The following PPP3CA variants were observed in gnomAD, a reference collection of about 807,000 sequenced individuals.
PPP3CA encodes CAM-PRP catalytic subunit.
In PPP3CA, 14 loss-of-function variants were observed where a neutral mutation model predicts 66.5. The ratio of observed to expected loss-of-function variants is 0.21; its 90% CI spans 0.14 to 0.33. PPP3CA has a LOEUF of 0.33. PPP3CA is among the 10% of genes least tolerant of loss of function. The pLI is 1.00. For missense variants in PPP3CA, 317 were observed against 639.5 expected (o/e 0.50, Z 5.44); for synonymous variants, 232 against 226.2 (o/e 1.03, Z -0.23).
At chr4:101,105,556 AGCCT>A (rs1730627165) in intron 3 of PPP3CA, among the ~76,000 whole-genome samples, 1 of 152,102 alleles carries the variant, frequency 6.6e-6, no homozygotes, top group African/African-American at 2.4e-5. Context: ...GAGATTCAGA[AGCCT>A]GCACTCTTCA....
At chr4:101,170,234 AT>A (rs1347708391) in intron 2 of PPP3CA, among the ~76,000 whole-genome samples, 2 of 151,072 alleles carry the variant, frequency 1.3e-5, no homozygotes, top group African/African-American at 4.9e-5. Flanking sequence ...GCATCAAGAC[AT>A]TTTTTCCCAC....
At chr4:101,145,052 A>T (rs796144710) in intron 2 of PPP3CA, among the ~76,000 whole-genome samples, 4 of 152,170 alleles carry the variant, frequency 2.6e-5, no homozygotes, top group African/African-American at 9.6e-5. Flanking sequence ...GGCATTAAAT[A>T]AAAAAATACT....
intron 10 of PPP3CA, among the ~76,000 whole-genome samples, chr4:101,057,048 A>G (rs1333548629): frequency 6.6e-6 from 1 of 151,386 alleles, no homozygotes; most frequent in African/African-American, 2.4e-5. Flanking sequence ...ATAATATCTT[A>G]AGTAGAATAT....
intron 1 of PPP3CA, among the ~76,000 whole-genome samples, chr4:101,245,120 T>C (rs1726437118): frequency 6.6e-6 from 1 of 152,120 alleles, no homozygotes; most frequent in South Asian, 2.1e-4. Context: ...ATCAGGCTTT[T>C]TAAAAGATAA....
At position 101,180,540 on chromosome 4, in the gene PPP3CA, A is replaced by C. The variant is rs565561758; in HGVS notation, c.259+15376T>G. 2.0e-5 allele frequency among the ~76,000 whole-genome samples: 3 copies of C among 152,274 alleles called. No homozygotes were observed. The East Asian group carries it at 5.8e-4, about 29-fold the overall frequency. The stretch of plus-strand genomic sequence containing the variant: ...CTATTATTTATAATTGTATGCCTTA[A>C]ATTTATTCTGGAAGTTGACCTTCCC... On this transcript the variant is annotated intron_variant, in intron 2 of 13. Transcript: ENST00000394854.
At chr4:101,320,125 A>G (rs1312402009) in intron 1 of PPP3CA, among the ~76,000 whole-genome samples, 1 of 152,258 alleles carries the variant, frequency 6.6e-6, no homozygotes, top group African/African-American at 2.4e-5. Flanking sequence ...TCTTATAGAA[A>G]CAACTAAGAA....
chr4:101,249,248 T>C (rs867430411), intron 1 of PPP3CA, among the ~76,000 whole-genome samples: 3 of 152,152 alleles, frequency 2.0e-5, no homozygotes, highest in South Asian at 2.1e-4. Flanking sequence ...ACTACACAGA[T>C]GATTCCAGGC....
At chr4:101,136,018 G>C (rs1722609569) in intron 2 of PPP3CA, among the ~76,000 whole-genome samples, 1 of 152,138 alleles carries the variant, frequency 6.6e-6, no homozygotes, top group Non-Finnish European at 1.5e-5. Context: ...GGATTAAAAA[G>C]TATATTGCAT....
At chr4:101,340,809 A>G (rs1040219553) in intron 1 of PPP3CA, among the ~76,000 whole-genome samples, 3 of 152,184 alleles carry the variant, frequency 2.0e-5, no homozygotes, top group African/African-American at 7.2e-5. Flanking sequence ...AGAAATTAAC[A>G]AAATCATCAA....
chr4:101,058,690 A>T (rs986352464), intron 10 of PPP3CA, among the ~76,000 whole-genome samples: 24 of 152,290 alleles, frequency 1.6e-4, no homozygotes, highest in African/African-American at 5.5e-4. Flanking sequence ...AACTGACAAA[A>T]CAAATCCTTT....
At chr4:101,153,354 G>A (rs1723204955) in intron 2 of PPP3CA, among the ~76,000 whole-genome samples, 1 of 152,118 alleles carries the variant, frequency 6.6e-6, no homozygotes. Flanking sequence ...AACTTGCTAA[G>A]TTCAACTATC....
At chr4:101,341,843 T>A (rs1361052785) in intron 1 of PPP3CA, among the ~76,000 whole-genome samples, 1 of 152,212 alleles carries the variant, frequency 6.6e-6, no homozygotes, top group Non-Finnish European at 1.5e-5. Context: ...TTCTATATCA[T>A]GAATCACCAC....
At chr4:101,298,852 TG>T (rs1728278616) in intron 1 of PPP3CA, among the ~76,000 whole-genome samples, 1 of 92,354 alleles carries the variant, frequency 1.1e-5, no homozygotes, top group South Asian at 4.6e-4. Flanking sequence ...TGTGTGTGTG[TG>T]TGTGTGTGTG....
chr4:101,032,435 G>A (rs1727013910), intron 11 of PPP3CA, 71 bp from the exon 12 acceptor site: 3 of 1,305,238 alleles, frequency 2.3e-6, no homozygotes, highest in South Asian at 1.3e-5. Flanking sequence ...TGACTGAAAG[G>A]AAAAAAAATG....
At chr4:101,280,710 C>T (rs1727652483) in intron 1 of PPP3CA, among the ~76,000 whole-genome samples, 1 of 151,158 alleles carries the variant, frequency 6.6e-6, no homozygotes, top group African/African-American at 2.4e-5. Flanking sequence ...GTTCCAGCTA[C>T]TTGGGAGGCT....
At chr4:101,067,665 G>T (rs1728738082) in intron 8 of PPP3CA, among the ~76,000 whole-genome samples, 1 of 137,372 alleles carries the variant, frequency 7.3e-6, no homozygotes, top group African/African-American at 2.9e-5. Context: ...AAGGCCTGTT[G>T]TGGGGTGGGG....
intron 1 of PPP3CA, 48 bp downstream of exon 1, chr4:101,346,691 G>T: frequency 1.3e-6 from 2 of 1,544,406 alleles, no homozygotes; most frequent in Non-Finnish European, 1.8e-6. Context: ...AGCTGCCCTG[G>T]CGCCTGCGGC....
At chr4:101,249,163 T>C (rs1726590612) in intron 1 of PPP3CA, among the ~76,000 whole-genome samples, 1 of 41,190 alleles carries the variant, frequency 2.4e-5, no homozygotes, top group African/African-American at 1.4e-4. Context: ...CGAGACTCTG[T>C]CTCAAAAAAA....
At chr4:101,285,591 C>CTGTGTGTG (rs1394871373) in intron 1 of PPP3CA, among the ~76,000 whole-genome samples, 25 of 131,752 alleles carry the variant, frequency 1.9e-4, no homozygotes, top group African/African-American at 7.1e-4. Context: ...TCAAATGCCA[C>CTGTGTGTG]TGTGTGTATG....
Sources: gnomAD v4.1 joint callset for allele counts (sites outside exome capture counted in the v4.1 genomes callset) on GRCh38, gnomAD v4.1.1 for gene constraint, MANE v1.5 for transcripts, NCBI Gene and HGNC (gene_info 2026-07-23, HGNC 2026-07-21) for gene names.